The following ABCA9 variants were observed in gnomAD, a reference collection of about 807,000 sequenced individuals.
ABCA9 encodes ATP binding cassette subfamily A member 9.
A neutral mutation model predicts 205.3 loss-of-function variants in ABCA9; 183 were observed. That is an observed-to-expected ratio of 0.89 (90% confidence interval 0.79 to 1.01). ABCA9 has a LOEUF of 1.01. Among genes scored for constraint, ABCA9 ranks in the 50% least tolerant of loss-of-function variants. The pLI is 0.00. For missense variants in ABCA9, 1,805 were observed against 1,912.4 expected, an observed-to-expected ratio of 0.94 and a Z score of 1.05; for synonymous variants, 651 against 683.3, an observed-to-expected ratio of 0.95 and a Z score of 0.74.
At chr17:69,000,797 C>A (rs1311166759) in intron 25 of ABCA9, among the ~76,000 whole-genome samples, 16 of 146,538 alleles carry the variant, frequency 1.1e-4, no homozygotes, top group African/African-American at 4.1e-4. Context: ...CTTTTATTTC[C>A]TTGAGCAGTG....
intron 31 of ABCA9, among the ~76,000 whole-genome samples, chr17:68,987,758 G>GT (rs72302464): frequency 1.2e-3 from 116 of 95,476 alleles, no homozygotes; most frequent in African/African-American, 2.1e-3. Context: ...TTGTTTGTTT[G>GT]TTTGTTTGTT....
At position 69,028,591 on chromosome 17, in the gene ABCA9, C is replaced by G; in HGVS notation, c.1559G>C (p.Gly520Ala). The change falls in exon 12 of 39, where the codon GGA becomes GCA. Residue 520 changes from glycine to alanine, a missense_variant. Physicochemically the swap from Gly to Ala is moderately conservative, Grantham distance 60. Transcript: ENST00000340001. ...GTTTAACAGGGTAGTTTTTCCAGCT[C>G]CACTGTGACCAAGGAGGGCAGTGAT... ...GQITALLGHSGAGKTTLLNIL... is the reference protein window; with the variant it reads ...GQITALLGHSAAGKTTLLNIL... The G allele has an allele frequency of 6.2e-7, 1 of 1,610,298 alleles. No individual in the cohort carries two copies. The highest frequency in any genetic ancestry group is 1.3e-5 in the African/African-American group (1 of 74,866).
chr17:69,028,148 A>T (rs1362257677), intron 12 of ABCA9, among the ~76,000 whole-genome samples: 1 of 152,206 alleles, frequency 6.6e-6, no homozygotes, highest in Non-Finnish European at 1.5e-5. Context: ...GAAACTATTG[A>T]AGTTAATTAA....
chr17:69,010,140 T>C (rs1198227853), intron 23 of ABCA9, among the ~76,000 whole-genome samples: 3 of 149,670 alleles, frequency 2.0e-5, no homozygotes, highest in Non-Finnish European at 4.4e-5. Flanking sequence ...CCTGTGCTGA[T>C]GATGTTTATT....
At chr17:68,995,741 C>T (rs2069598039) in intron 26 of ABCA9, among the ~76,000 whole-genome samples, 154 bp downstream of exon 26, 1 of 152,204 alleles carries the variant, frequency 6.6e-6, no homozygotes, top group Admixed American at 6.5e-5. Flanking sequence ...AGAACATGCC[C>T]CTTATCCATG....
At chr17:69,063,668 G>A (rs900834899), upstream of ABCA9, among the ~76,000 whole-genome samples, 16 of 152,092 alleles carry the variant, frequency 1.1e-4, no homozygotes, top group Non-Finnish European at 1.5e-5. Flanking sequence ...CGCCTCCCGG[G>A]TTCATGCCAT....
At chr17:69,027,266 T>C in intron 14 of ABCA9, 64 bp downstream of exon 14, 8 of 1,575,288 alleles carry the variant, frequency 5.1e-6, no homozygotes, top group African/African-American at 2.7e-5. Flanking sequence ...GAAAATTGTT[T>C]GACCTAATAA....
In ABCA9 at chr17:69,017,742, C is replaced by A. The variant is rs2070670898; in HGVS notation, c.2815G>T (p.Ala939Ser). 2 of 1,613,312 alleles carry A rather than the reference C, an allele frequency of 1.2e-6. No individual in the cohort carries two copies. The change falls in exon 21 of 39, where the codon GCT (alanine) becomes TCT (serine). Residue 939 changes from alanine (A) to serine (S), a missense_variant. Ala to Ser is a moderately conservative substitution (Grantham distance 99). Transcript: ENST00000340001. ...GTTCCAAAGGCATCCACTTCTATAG[C>A]TATGTTCTGTCGCCTCAGTGAATGT... ...FLHSLRRQNI[A>S]IEVDAFGTRN...
At position 69,027,096 on chromosome 17, in the gene ABCA9, G is replaced by C; in HGVS notation, c.1930C>G (p.Pro644Ala). 6.2e-7 allele frequency: 1 copy of C among 1,614,016 alleles called. No homozygotes were observed. The highest frequency in any genetic ancestry group is 1.1e-5 in the South Asian group (1 of 91,072). Residue 644 changes from proline to alanine, a missense_variant, in exon 15 of 39, where the codon CCG becomes GCG. Coordinates refer to ENST00000340001, the MANE Select transcript of ABCA9 (RefSeq NM_080283.4). ...GDPQVLLLDE[P>A]TAGLDPLSRH... Reference sequence around the variant, plus strand: ...GAAAGAGGATCCAATCCAGCAGTCGGTTCATCCAATAGCAAAACCTGGACA... The same window carrying C: ...GAAAGAGGATCCAATCCAGCAGTCGCTTCATCCAATAGCAAAACCTGGACA...
At chr17:69,074,526 G>A in the ABCA9 span, among the ~76,000 whole-genome samples, 3 of 152,162 alleles carry the variant, frequency 2.0e-5, no homozygotes, top group South Asian at 2.1e-4. Context: ...GCATTACTAC[G>A]ATTAGAATAA....
intron 23 of ABCA9, among the ~76,000 whole-genome samples, chr17:69,011,188 C>A (rs1177567996): frequency 1.3e-5 from 2 of 151,996 alleles, no homozygotes; most frequent in African/African-American, 4.8e-5. Context: ...TATAGACGAT[C>A]AAAATGAGGC....
At chr17:69,011,951 A>G (rs1352965424) in intron 23 of ABCA9, 25 bp downstream of exon 23, 7 of 1,532,012 alleles carry the variant, frequency 4.6e-6, no homozygotes, top group Non-Finnish European at 5.4e-6. Context: ...TATAAAAAAC[A>G]TGTGAAGACT....
At chr17:69,068,680 A>G in the ABCA9 span, among the ~76,000 whole-genome samples, 3 of 152,224 alleles carry the variant, frequency 2.0e-5, no homozygotes, top group Admixed American at 6.5e-5. Flanking sequence ...TTTCTATTTT[A>G]TGGACATCTC....
rs775914359 is a variant in ABCA9 at position 69,033,847 on chromosome 17, A to G, written c.1155T>C (p.Asn385=). 6 of 1,605,002 alleles carry G rather than the reference A, an allele frequency of 3.7e-6. No homozygotes were observed. The South Asian group carries it at 6.7e-5, about 18-fold the overall frequency. The change falls in exon 9 of 39, where the codon AAT becomes AAC. Residue 385 remains asparagine, a synonymous_variant. Coordinates refer to ENST00000340001, the MANE Select transcript of ABCA9 (RefSeq NM_080283.4). ...AQLIHLDYDV[N]SNAHLDSSQN... ...GTGAAGAATCCAAGTGGGCATTAGAATTCACATCATAGTCCAAATGTATAA... is the reference window on the plus strand; with the variant it reads ...GTGAAGAATCCAAGTGGGCATTAGAGTTCACATCATAGTCCAAATGTATAA...
At chr17:69,050,306 T>C (rs1443156079) in intron 2 of ABCA9, among the ~76,000 whole-genome samples, 1 of 150,070 alleles carries the variant, frequency 6.7e-6, no homozygotes. Context: ...AAGCATTCAA[T>C]ACATATTTGT....
chr17:69,003,296 C>T (rs2069962004), intron 25 of ABCA9, among the ~76,000 whole-genome samples: 1 of 151,662 alleles, frequency 6.6e-6, no homozygotes, highest in Non-Finnish European at 1.5e-5. Context: ...TTCAGGAGCT[C>T]TTTTAGGGCA....
intron 6 of ABCA9, among the ~76,000 whole-genome samples, chr17:69,037,727 G>C (rs1368693815): frequency 6.6e-6 from 1 of 151,992 alleles, no homozygotes; most frequent in African/African-American, 2.4e-5. Flanking sequence ...GAGCAGAACT[G>C]AAGGGGATAG....
intron 23 of ABCA9, among the ~76,000 whole-genome samples, chr17:69,010,060 G>T (rs1254935646): frequency 6.6e-6 from 1 of 151,574 alleles, no homozygotes; most frequent in African/African-American, 2.4e-5. Context: ...AAGAGTAAAA[G>T]AATGAAAGGT....
intron 6 of ABCA9, among the ~76,000 whole-genome samples, chr17:69,037,948 A>C (rs1001087724): frequency 9.2e-5 from 14 of 152,214 alleles, no homozygotes; most frequent in Non-Finnish European, 1.8e-4. Context: ...ACCTCTACGC[A>C]AATAAACTAG....
Sources: allele counts gnomAD v4.1 joint callset (sites outside exome capture counted in the v4.1 genomes callset), GRCh38; gene constraint gnomAD v4.1.1; transcripts MANE v1.5; gene names NCBI Gene and HGNC (gene_info 2026-07-23, HGNC 2026-07-21).